The following C2CD5 variants were observed in gnomAD, a reference collection of about 807,000 sequenced individuals.
C2CD5 encodes C2 calcium dependent domain containing 5.
A neutral mutation model predicts 130.3 loss-of-function variants in C2CD5; 109 were observed. The ratio of observed to expected loss-of-function variants is 0.84; its 90% CI spans 0.72 to 0.98. C2CD5 has a LOEUF of 0.98. Among genes scored for constraint, C2CD5 ranks in the 50% least tolerant of loss-of-function variants. C2CD5 has a pLI of 0.00. For missense variants in C2CD5, 996 were observed against 1,261.8 expected, an observed-to-expected ratio of 0.79 and a Z score of 3.19; for synonymous variants, 454 against 429.2, an observed-to-expected ratio of 1.06 and a Z score of -0.71.
intron 25 of C2CD5, 54 bp from the exon 26 acceptor site, chr12:22,454,096 G>A: frequency 7.5e-7 from 1 of 1,333,206 alleles, no homozygotes; most frequent in East Asian, 2.3e-5. Context: ...TATGGATATA[G>A]GAATGCACAC....
chr12:22,535,368 C>A (rs1274645940), intron 2 of C2CD5, 24 bp from the exon 3 acceptor site: 2 of 1,224,676 alleles, frequency 1.6e-6, no homozygotes, highest in South Asian at 2.5e-5. Flanking sequence ...AGAAATTATT[C>A]ACATATGAAT....
At chr12:22,544,209 G>T (rs925870316) in intron 1 of C2CD5, 30 bp from the exon 2 acceptor site, 8 of 1,549,434 alleles carry the variant, frequency 5.2e-6, no homozygotes, top group South Asian at 1.1e-5. Context: ...AGTCTGCGCC[G>T]AGCGCGGGGC....
chr12:22,478,795 A>G (rs1034082148), intron 14 of C2CD5, among the ~76,000 whole-genome samples: 5 of 152,012 alleles, frequency 3.3e-5, no homozygotes, highest in Non-Finnish European at 7.4e-5. Context: ...GCAGTGAGTC[A>G]GGATCATGCC....
At chr12:22,543,046 A>T (rs1006091758) in intron 2 of C2CD5, among the ~76,000 whole-genome samples, 1 of 152,250 alleles carries the variant, frequency 6.6e-6, no homozygotes, top group African/African-American at 2.4e-5. Context: ...ATTAAGAATC[A>T]CCATGACAAT....
chr12:22,486,838 T>G (rs1384285061), intron 12 of C2CD5, among the ~76,000 whole-genome samples: 1 of 152,186 alleles, frequency 6.6e-6, no homozygotes, highest in Non-Finnish European at 1.5e-5. Flanking sequence ...AATTAACTTG[T>G]GAATGGCAAT....
intron 5 of C2CD5, 27 bp downstream of exon 5, chr12:22,525,583 G>A (rs1950647582): frequency 1.4e-5 from 14 of 994,208 alleles, no homozygotes; most frequent in Middle Eastern, 4.1e-4. Flanking sequence ...TACATTTCCT[G>A]TTGAGTAATA....
chr12:22,485,359 A>C (rs929138043), intron 12 of C2CD5, among the ~76,000 whole-genome samples: 81 of 152,050 alleles, frequency 5.3e-4, no homozygotes, highest in African/African-American at 2.0e-3. Context: ...GGGTACAAAA[A>C]AATAGAAAGA....
chr12:22,471,506 T>C lies in C2CD5; in HGVS notation c.2269-18A>G. 3 of 1,363,652 alleles carry C rather than the reference T, an allele frequency of 2.2e-6. No homozygotes were observed. The highest frequency in any genetic ancestry group is 3.7e-4 in the Middle Eastern group (2 of 5,360). 84.5% of individuals were successfully genotyped at this position (1,363,652 alleles called of 1,614,324 possible). A position where few individuals can be genotyped will look rare whatever the true frequency, so the allele number is the denominator to read the frequency against. On this transcript the variant is annotated intron_variant, in intron 19 of 26. Transcript: ENST00000446597. ...TACAGGCTCTACACAATAGAAAATA[T>C]TAGTAATGTCACTTTTTTATTTAAA...
chr12:22,541,264 G>C (rs898664208), intron 2 of C2CD5, among the ~76,000 whole-genome samples: 2 of 152,010 alleles, frequency 1.3e-5, no homozygotes, highest in African/African-American at 2.4e-5. Context: ...AATATACCTG[G>C]AATTCATCCA....
intron 12 of C2CD5, among the ~76,000 whole-genome samples, chr12:22,487,555 G>C (rs1591808498): frequency 6.6e-6 from 1 of 152,118 alleles, no homozygotes. Flanking sequence ...GGAAACAACA[G>C]GTGCTGGAGA....
intron 2 of C2CD5, 36 bp downstream of exon 2, chr12:22,544,025 C>T (rs746137954): frequency 5.2e-5 from 77 of 1,489,392 alleles, no homozygotes; most frequent in Non-Finnish European, 6.7e-5. Flanking sequence ...GGGCTTGGCG[C>T]TCCCTGTGTT....
intron 14 of C2CD5, among the ~76,000 whole-genome samples, chr12:22,480,277 C>T (rs1216542844): frequency 6.6e-6 from 1 of 152,150 alleles, no homozygotes; most frequent in East Asian, 1.9e-4. Context: ...ACTTTACAGT[C>T]TCAACCTATC....
Position 22,524,588 on chromosome 12 carries a change from T to C in C2CD5, c.485A>G (p.His162Arg), listed in dbSNP as rs1950568479. The change falls in exon 6 of 27, where the codon CAT becomes CGT. Residue 162 changes from histidine (H) to arginine (R), a missense_variant. Around this residue, in one of 9 missense-constraint regions of C2CD5, gnomAD observed 49 missense variants for 52.0 expected, o/e 0.94. Coordinates refer to ENST00000446597, the MANE Select transcript of C2CD5 (RefSeq NM_001286176.2). ...GACCACAAGTTCTTCTACAAATCCA[T>C]GAATTATCACAGCTCTATAGCATTT... is the stretch of plus-strand genomic sequence containing the variant. ...IPKCYRAVII[H>R]GFVEELVVNE... 2 of 1,613,348 alleles carry C rather than the reference T, an allele frequency of 1.2e-6. No homozygotes were observed. The highest frequency in any genetic ancestry group is 1.1e-5 in the South Asian group (1 of 91,064).
At chr12:22,474,692 G>GA in intron 16 of C2CD5, 59 bp downstream of exon 16, 2 of 1,325,564 alleles carry the variant, frequency 1.5e-6, no homozygotes, top group Non-Finnish European at 2.0e-6. Flanking sequence ...TTTAGCACGT[G>GA]AAAAAATGTG....
intron 15 of C2CD5, chr12:22,477,121 T>C (rs1264498004): frequency 6.6e-6 from 1 of 151,956 alleles, no homozygotes; most frequent in Non-Finnish European, 1.5e-5. Context: ...ACAGATAAAA[T>C]CCATTTTAAT....
At position 22,505,403 on chromosome 12, in the gene C2CD5, C is replaced by T. The variant is rs371593589; in HGVS notation, c.1147+1308G>A. On this transcript the variant is annotated intron_variant, in intron 10 of 26. Coordinates refer to ENST00000446597, the MANE Select transcript of C2CD5 (RefSeq NM_001286176.2). Reference sequence around the variant, plus strand: ...TCCCAAGTAGCTGGGATTACAGGTGCCTGCCACCACGCTCAGCTGATTTTT... The same window carrying T: ...TCCCAAGTAGCTGGGATTACAGGTGTCTGCCACCACGCTCAGCTGATTTTT... Among the ~76,000 whole-genome samples the T allele has an allele frequency of 5.0e-4, 76 of 151,980 alleles. 1 individual carries two copies. The highest frequency in any genetic ancestry group is 1.8e-3 in the African/African-American group (73 of 41,478).
intron 11 of C2CD5, 95 bp downstream of exon 11, chr12:22,493,128 G>A (rs1462158492): frequency 2.0e-5 from 14 of 704,380 alleles, no homozygotes; most frequent in African/African-American, 1.4e-4. Context: ...TGAACACTTC[G>A]CTATTCTCTT....
Position 22,527,860 on chromosome 12 carries a change from T to C in C2CD5, c.210A>G (p.Leu70=), listed in dbSNP as rs748813250. 6.2e-7 allele frequency: 1 copy of C among 1,610,040 alleles called. No individual in the cohort carries two copies. The change falls in exon 4 of 27, where the codon TTA becomes TTG. Residue 70 remains leucine (L), a synonymous_variant. Transcript: ENST00000446597. The stretch of plus-strand genomic sequence containing the variant: ...TATCATGGTCAAGAACTGTGATCTG[T>C]AAAGGTTCATCTTGTAAGTCTTCAT... The part of the protein sequence containing the change: ...VDDEDLQDEP[L]QITVLDHDTY...
intron 12 of C2CD5, 24 bp downstream of exon 12, chr12:22,490,099 A>G (rs1946149842): frequency 6.3e-7 from 1 of 1,578,040 alleles, no homozygotes; most frequent in Non-Finnish European, 8.7e-7. Context: ...CCTTATAGAA[A>G]ATAAGCCAGG....
Sources: allele counts gnomAD v4.1 joint callset (sites outside exome capture counted in the v4.1 genomes callset), GRCh38; gene constraint gnomAD v4.1.1; regional missense constraint gnomAD v4.1.1; transcripts MANE v1.5; gene names NCBI Gene and HGNC (gene_info 2026-07-23, HGNC 2026-07-21).